The following PLEKHA5 variants were observed in gnomAD, a reference collection of about 807,000 sequenced individuals.
PLEKHA5 encodes pleckstrin homology domain-containing family A member 5.
PLEKHA5 carries 55 observed loss-of-function variants against 181.9 expected under a neutral mutation model. The ratio of observed to expected loss-of-function variants is 0.30; its 90% CI spans 0.24 to 0.38. The LOEUF (loss-of-function observed/expected upper bound fraction) is 0.38, where lower values mean the gene tolerates loss of function less well. PLEKHA5 is among the 10% of genes least tolerant of loss of function. The pLI is 1.00. For synonymous variants in PLEKHA5, 535 were observed against 529.4 expected (o/e 1.01, Z -0.15); for missense variants, 1,432 against 1,549.5 (o/e 0.92, Z 1.27).
intron 3 of PLEKHA5, among the ~76,000 whole-genome samples, chr12:19,139,265 G>C (rs2036609130): frequency 6.6e-6 from 1 of 152,218 alleles, no homozygotes; most frequent in Non-Finnish European, 1.5e-5. Flanking sequence ...GAATAAAGGA[G>C]TAGGTGTGGG....
chr12:19,305,350 C>T (rs1312709377), intron 15 of PLEKHA5, among the ~76,000 whole-genome samples: 3 of 150,834 alleles, frequency 2.0e-5, no homozygotes, highest in East Asian at 2.0e-4. Flanking sequence ...ATCACAAGGT[C>T]GGGAGTTCAA....
chr12:19,133,202 C>G (rs1376972676), intron 3 of PLEKHA5, among the ~76,000 whole-genome samples: 1 of 151,944 alleles, frequency 6.6e-6, no homozygotes, highest in Non-Finnish European at 1.5e-5. Flanking sequence ...GATGACCAGT[C>G]AGTCCCAATC....
At chr12:19,357,334 T>G (rs2094997107) in intron 26 of PLEKHA5, among the ~76,000 whole-genome samples, 1 of 149,184 alleles carries the variant, frequency 6.7e-6, no homozygotes, top group Admixed American at 6.8e-5. Context: ...AACCTCTGCC[T>G]CCTGGGTTCA....
chr12:19,369,145 C>T (rs1444244217), intron 30 of PLEKHA5, among the ~76,000 whole-genome samples: 1 of 151,936 alleles, frequency 6.6e-6, no homozygotes, highest in African/African-American at 2.4e-5. Context: ...AGCATTTCTC[C>T]TACCCCGGCC....
intron 21 of PLEKHA5, among the ~76,000 whole-genome samples, chr12:19,341,271 A>G (rs1485826611): frequency 6.6e-6 from 1 of 152,176 alleles, no homozygotes; most frequent in Non-Finnish European, 1.5e-5. Context: ...AGTGAGACTC[A>G]GCCTCAAAAA....
chr12:19,166,267 A>C (rs998193368), intron 3 of PLEKHA5, among the ~76,000 whole-genome samples: 1 of 152,192 alleles, frequency 6.6e-6, no homozygotes, highest in Admixed American at 6.5e-5. Context: ...ATTTGACTGA[A>C]TTTTATCTGA....
chr12:19,291,442 A>G (rs1368619725), intron 14 of PLEKHA5, among the ~76,000 whole-genome samples: 1 of 152,218 alleles, frequency 6.6e-6, no homozygotes, highest in Non-Finnish European at 1.5e-5. Flanking sequence ...TGTCTACGTA[A>G]TTTCTTACAA....
intron 3 of PLEKHA5, chr12:19,200,324 G>A: frequency 6.5e-7 from 1 of 1,527,980 alleles, no homozygotes; most frequent in Non-Finnish European, 8.8e-7. Context: ...TATCCTTCCA[G>A]CTGAATAGAT....
intron 25 of PLEKHA5, among the ~76,000 whole-genome samples, chr12:19,351,511 A>G (rs2094591601): frequency 6.6e-6 from 1 of 152,148 alleles, no homozygotes; most frequent in Non-Finnish European, 1.5e-5. Flanking sequence ...AATCATGGTA[A>G]TGATTTTGAC....
rs1565643129 is a variant in PLEKHA5 at position 19,344,670 on chromosome 12, T to C, written c.2663-1172T>C. On this transcript the variant is annotated intron_variant, in intron 22 of 31. Coordinates refer to ENST00000429027, the MANE Select transcript of PLEKHA5 (RefSeq NM_001256470.2). Reference sequence around the variant, plus strand: ...GCCAAAATGCCCTCCTGAAGGATTATTTCACATTATGTTAATACCAGTAAT... The same window carrying C: ...GCCAAAATGCCCTCCTGAAGGATTACTTCACATTATGTTAATACCAGTAAT... 2.0e-5 allele frequency among the ~76,000 whole-genome samples: 3 copies of C among 152,214 alleles called. No homozygotes were observed. The East Asian group carries it at 5.8e-4, about 29-fold the overall frequency.
chr12:19,307,223 A>G lies in PLEKHA5; in HGVS notation c.2038-7591A>G, dbSNP rs188283991. On this transcript the variant is annotated intron_variant, in intron 15 of 31. Coordinates refer to ENST00000429027, the MANE Select transcript of PLEKHA5 (RefSeq NM_001256470.2). ...CATGGTGGCTCAGGCCAGTAATCCC[A>G]GAGCTTTGGGAGGCTGAGGAGGGTG... 2,844 of 560,644 alleles carry G rather than the reference A, an allele frequency of 5.1e-3. 33 individuals are homozygous for G. Among genetic ancestry groups the G allele is most frequent in the South Asian group, 0.026 (1,444 of 56,550 alleles). 34.7% of individuals were successfully genotyped at this position (560,644 alleles called of 1,614,324 possible).
chr12:19,322,587 A>G lies in PLEKHA5; in HGVS notation c.2368A>G (p.Ile790Val), dbSNP rs565249800. Reference protein sequence around the residue: ...IEMHADNPAAIQTVVLQRDDL... With the variant: ...IEMHADNPAAVQTVVLQRDDL... ...AATGCATGCAGATAACCCAGCAGCC[A>G]TTCAGACAGTGGTGTTACAAAGGGA... The change falls in exon 20 of 32, where the codon ATT becomes GTT. Residue 790 changes from isoleucine to valine, a missense_variant. Ile to Val is a conservative substitution (Grantham distance 29, BLOSUM62 3). Around this residue, in one of 2 missense-constraint regions of PLEKHA5, gnomAD observed 1,143 missense variants for 1,168.4 expected, o/e 0.98. Transcript: ENST00000429027. 1 of 1,613,976 alleles carries G rather than the reference A, an allele frequency of 6.2e-7. No individual in the cohort carries two copies. Among genetic ancestry groups the G allele is most frequent in the Non-Finnish European group, 8.5e-7 (1 of 1,179,814 alleles).
intron 3 of PLEKHA5, among the ~76,000 whole-genome samples, chr12:19,175,692 T>A (rs1158098905): frequency 6.6e-6 from 1 of 152,222 alleles, no homozygotes; most frequent in African/African-American, 2.4e-5. Context: ...ATGTGTTAGC[T>A]TTGTTAAGAA....
intron 3 of PLEKHA5, among the ~76,000 whole-genome samples, chr12:19,216,523 C>T (rs1169677184): frequency 1.3e-5 from 2 of 151,974 alleles, no homozygotes; most frequent in Non-Finnish European, 1.5e-5. Context: ...ATTAGCCAGG[C>T]GTGGTAGCAG....
intron 3 of PLEKHA5, among the ~76,000 whole-genome samples, chr12:19,197,740 C>T (rs1249779948): frequency 8.4e-5 from 12 of 142,154 alleles, no homozygotes; most frequent in African/African-American, 5.3e-5. Flanking sequence ...GTGTTTAAGT[C>T]GCCTCGTTCA....
intron 29 of PLEKHA5, among the ~76,000 whole-genome samples, chr12:19,364,153 T>C (rs1459479354): frequency 6.6e-6 from 1 of 152,142 alleles, no homozygotes; most frequent in Non-Finnish European, 1.5e-5. Context: ...TTTTCCCAAA[T>C]TGTAACCAAA....
intron 3 of PLEKHA5, among the ~76,000 whole-genome samples, chr12:19,240,504 C>T (rs2062337548): frequency 1.3e-5 from 2 of 149,540 alleles, no homozygotes; most frequent in African/African-American, 4.9e-5. Flanking sequence ...ATAATGGCAC[C>T]ATCATAGCTC....
At chr12:19,289,981 C>T (rs2078052337) in intron 13 of PLEKHA5, among the ~76,000 whole-genome samples, 1 of 151,850 alleles carries the variant, frequency 6.6e-6, no homozygotes, top group African/African-American at 2.4e-5. Context: ...CTCGCCGTGT[C>T]GCCCAGGTTG....
intron 30 of PLEKHA5, 122 bp downstream of exon 30, chr12:19,366,231 G>A: frequency 2.6e-6 from 2 of 767,190 alleles, no homozygotes; most frequent in Non-Finnish European, 4.2e-6. Flanking sequence ...ATGAGTCAAC[G>A]TTTGCCTCCC....
Sources: gnomAD v4.1 joint callset for allele counts (sites outside exome capture counted in the v4.1 genomes callset) on GRCh38, gnomAD v4.1.1 for gene constraint, gnomAD v4.1.1 regional missense constraint, MANE v1.5 for transcripts, NCBI Gene and HGNC (gene_info 2026-07-23, HGNC 2026-07-21) for gene names.